The following GMDS variants were observed in gnomAD, a reference collection of about 807,000 sequenced individuals.
The protein encoded by GMDS is GDP-mannose 4,6 dehydratase.
GMDS carries 20 observed loss-of-function variants against 49.9 expected under a neutral mutation model. The ratio of observed to expected loss-of-function variants is 0.40; its 90% CI spans 0.28 to 0.58. The LOEUF (loss-of-function observed/expected upper bound fraction) is 0.58. Among genes scored for constraint, GMDS ranks in the 20% least tolerant of loss-of-function variants. The pLI is 0.42. For synonymous variants in GMDS, 177 were observed against 178.6 expected, an observed-to-expected ratio of 0.99 and a Z score of 0.07; for missense variants, 362 against 481.4, an observed-to-expected ratio of 0.75 and a Z score of 2.32.
chr6:1,853,504 C>T (rs949416414), intron 7 of GMDS, among the ~76,000 whole-genome samples: 1 of 118,520 alleles, frequency 8.4e-6, no homozygotes, highest in African/African-American at 3.5e-5. Flanking sequence ...GGCGACAGAG[C>T]GAGACTCCGT....
intron 7 of GMDS, among the ~76,000 whole-genome samples, chr6:1,888,162 G>C (rs1372945786): frequency 6.8e-6 from 1 of 147,568 alleles, no homozygotes; most frequent in Non-Finnish European, 1.5e-5. Context: ...AAGAGATGAG[G>C]GTCTTGCTGT....
At chr6:2,155,674 G>C (rs1777079134) in intron 1 of GMDS, among the ~76,000 whole-genome samples, 2 of 152,082 alleles carry the variant, frequency 1.3e-5, no homozygotes, top group Admixed American at 1.3e-4. Flanking sequence ...CGTATTAATG[G>C]AGCACTCTGG....
chr6:1,850,923 G>A (rs753734677), intron 7 of GMDS, among the ~76,000 whole-genome samples: 8 of 152,138 alleles, frequency 5.3e-5, no homozygotes, highest in African/African-American at 1.2e-4. Flanking sequence ...TCTAACTCCC[G>A]TCTCTGCTGT....
At chr6:1,625,116 CCT>C (rs1030819473) in intron 9 of GMDS, 2 of 152,152 alleles carry the variant, frequency 1.3e-5, no homozygotes, top group Admixed American at 1.3e-4. Flanking sequence ...AGCGTGCGAC[CCT>C]CTTTCTAACG....
intron 7 of GMDS, among the ~76,000 whole-genome samples, chr6:1,857,873 T>C (rs3823277): frequency 0.49 from 74,769 of 152,012 alleles, 21,511 homozygotes; most frequent in Non-Finnish European, 0.63. Flanking sequence ...TATACTAAGG[T>C]AGTTGTCTAT....
intron 6 of GMDS, among the ~76,000 whole-genome samples, chr6:1,957,766 A>T (rs1208464512): frequency 6.6e-6 from 1 of 152,214 alleles, no homozygotes; most frequent in Non-Finnish European, 1.5e-5. Flanking sequence ...TTTATTTTAA[A>T]TGAAGACGTG....
chr6:2,194,444 T>C (rs1305222926), intron 1 of GMDS, among the ~76,000 whole-genome samples: 1 of 152,218 alleles, frequency 6.6e-6, no homozygotes. Context: ...CACATACATA[T>C]ATAGTTGTTT....
chr6:2,120,551 A>G (rs1775084722), intron 2 of GMDS, among the ~76,000 whole-genome samples: 1 of 152,180 alleles, frequency 6.6e-6, no homozygotes, highest in African/African-American at 2.4e-5. Context: ...AAATTCTGAT[A>G]CATTGTGTTG....
rs974629599 is a variant in GMDS, at chr6:1,778,366, A to G, written c.772-35780T>C. On this transcript the variant is annotated intron_variant, in intron 7 of 10. Coordinates refer to ENST00000380815, the MANE Select transcript of GMDS (RefSeq NM_001500.4). The surrounding 1 kb of genome is among the most constrained non-coding windows in gnomAD (Gnocchi z 4.6). ...GGAATACTGATTGAAGTCAATTATT[A>G]TAACACCTGAAAGATAAATGAGCTG... 2.0e-5 allele frequency among the ~76,000 whole-genome samples: 3 copies of G among 152,210 alleles called. No individual in the cohort carries two copies. Among genetic ancestry groups the G allele is most frequent in the Admixed American group, 1.3e-4 (2 of 15,278 alleles).
intron 7 of GMDS, among the ~76,000 whole-genome samples, chr6:1,902,509 T>C (rs1760548758): frequency 6.6e-6 from 1 of 152,200 alleles, no homozygotes; most frequent in Non-Finnish European, 1.5e-5. Flanking sequence ...GATCTACCAG[T>C]CCTCAGTAAT....
intron 7 of GMDS, among the ~76,000 whole-genome samples, chr6:1,765,033 AT>A (rs148169712): frequency 0.017 from 2,635 of 152,114 alleles, 61 homozygotes; most frequent in African/African-American, 0.052. Context: ...CTGTGGGCAC[AT>A]TTTTTTCCCC....
chr6:2,114,394 A>G (rs927131891), intron 4 of GMDS, among the ~76,000 whole-genome samples: 3 of 152,196 alleles, frequency 2.0e-5, no homozygotes, highest in Non-Finnish European at 4.4e-5. Context: ...AGGGAAAAAT[A>G]AAGTCTTCAT....
chr6:1,947,205 T>C (rs972423993), intron 6 of GMDS, among the ~76,000 whole-genome samples: 3 of 152,216 alleles, frequency 2.0e-5, no homozygotes, highest in Admixed American at 1.3e-4. Flanking sequence ...ATGTTCTCTG[T>C]GAACTTGGGA....
intron 4 of GMDS, among the ~76,000 whole-genome samples, chr6:2,010,904 G>T (rs1330680306): frequency 1.3e-5 from 2 of 152,096 alleles, no homozygotes; most frequent in African/African-American, 4.8e-5. Flanking sequence ...TATGGGAAGT[G>T]ATATAATACT....
intron 7 of GMDS, among the ~76,000 whole-genome samples, chr6:1,794,472 G>A (rs1469540164): frequency 6.6e-6 from 1 of 152,164 alleles, no homozygotes; most frequent in Non-Finnish European, 1.5e-5. Flanking sequence ...GTTGGTGGTC[G>A]AAACCATGGA....
At chr6:1,908,686 C>G (rs1031198435) in intron 7 of GMDS, among the ~76,000 whole-genome samples, 1 of 152,196 alleles carries the variant, frequency 6.6e-6, no homozygotes, top group Non-Finnish European at 1.5e-5. Flanking sequence ...AAGGCAGGAA[C>G]TGCTGCTCGA....
intron 4 of GMDS, among the ~76,000 whole-genome samples, chr6:2,017,651 C>A (rs773223188): frequency 6.6e-6 from 1 of 152,054 alleles, no homozygotes; most frequent in East Asian, 1.9e-4. Context: ...GGAGTGCCAA[C>A]CCCCATTGCA....
intron 1 of GMDS, among the ~76,000 whole-genome samples, chr6:2,178,266 G>A (rs888468186): frequency 2.6e-5 from 4 of 152,166 alleles, no homozygotes; most frequent in Admixed American, 1.3e-4. Context: ...ATTGGCTCAC[G>A]GTTCCACAGG....
At chr6:2,067,304 A>T (rs1374361235) in intron 4 of GMDS, among the ~76,000 whole-genome samples, 1 of 151,994 alleles carries the variant, frequency 6.6e-6, no homozygotes, top group Admixed American at 6.6e-5. Context: ...TGCCCACAAG[A>T]GAAAGCAGGA....
Sources: allele counts gnomAD v4.1 joint callset (sites outside exome capture counted in the v4.1 genomes callset), GRCh38; gene constraint gnomAD v4.1.1; non-coding constraint Gnocchi (gnomAD v3.1); transcripts MANE v1.5; gene names NCBI Gene and HGNC (gene_info 2026-07-23, HGNC 2026-07-21).